The following RP1 variants were observed in gnomAD, a reference collection of about 807,000 sequenced individuals.
RP1 encodes the protein oxygen-regulated protein 1.
RP1 carries 16 observed loss-of-function variants against 14.8 expected under a neutral mutation model. That is an observed-to-expected ratio of 1.08 (90% CI 0.73 to 1.65). RP1 has a LOEUF of 1.65. Ranked by LOEUF, RP1 falls within the 40% of genes most tolerant of loss-of-function variation. The pLI, the probability that RP1 is intolerant of heterozygous loss-of-function variation, is 0.00. For synonymous variants in RP1, 876 were observed against 883.6 expected (o/e 0.99, Z 0.15); for missense variants, 2,631 against 2,535.0 (o/e 1.04, Z -0.81).
downstream of RP1, among the ~76,000 whole-genome samples, chr8:54,773,592 G>A (rs1254107130): frequency 6.6e-6 from 1 of 152,040 alleles, no homozygotes. Flanking sequence ...AACCTACATG[G>A]CACCACTGCA....
At chr8:54,819,059 C>A (rs577597844) in intron 24 of RP1, among the ~76,000 whole-genome samples, 4 of 150,242 alleles carry the variant, frequency 2.7e-5, no homozygotes, top group South Asian at 2.1e-4. Context: ...ACCCACATAT[C>A]TCTCTCTCTC....
downstream of RP1, among the ~76,000 whole-genome samples, chr8:54,773,593 C>T (rs1293860535): frequency 2.0e-5 from 3 of 152,132 alleles, no homozygotes; most frequent in Non-Finnish European, 4.4e-5. Context: ...ACCTACATGG[C>T]ACCACTGCAC....
chr8:54,604,266 A>G (rs533368479), intron 1 of RP1, among the ~76,000 whole-genome samples: 1 of 152,276 alleles, frequency 6.6e-6, no homozygotes, highest in African/African-American at 2.4e-5. Flanking sequence ...GAATTTTGTC[A>G]AAGGCCTTTT....
intron 12 of RP1, among the ~76,000 whole-genome samples, chr8:54,687,107 G>T (rs934463770): frequency 4.0e-5 from 6 of 151,872 alleles, no homozygotes; most frequent in Non-Finnish European, 8.8e-5. Flanking sequence ...TTATTAAAAA[G>T]AATCTTTTGT....
intron 1 of RP1, among the ~76,000 whole-genome samples, chr8:54,598,799 G>A (rs1323490195): frequency 1.3e-5 from 2 of 152,182 alleles, no homozygotes; most frequent in Admixed American, 6.5e-5. Context: ...ATCCTTCGGA[G>A]CTTCTTGACT....
chr8:54,826,842 C>T (rs1408605717), intron 24 of RP1, among the ~76,000 whole-genome samples: 1 of 152,294 alleles, frequency 6.6e-6, no homozygotes, highest in South Asian at 2.1e-4. Flanking sequence ...GTAATTTTGT[C>T]ATTGTGTAAA....
At chr8:54,726,675 T>C (rs1210369520) in intron 17 of RP1, among the ~76,000 whole-genome samples, 1 of 152,042 alleles carries the variant, frequency 6.6e-6, no homozygotes, top group East Asian at 1.9e-4. Flanking sequence ...TAAATGTGTT[T>C]CTTTGTCTTA....
chr8:54,679,688 T>C (rs1401638285), intron 11 of RP1: 2 of 1,522,868 alleles, frequency 1.3e-6, no homozygotes, highest in Non-Finnish European at 1.8e-6. Context: ...GACTATTTGA[T>C]GTGTTAAAAC....
At chr8:54,665,051 CTTTA>C (rs1309518366) in intron 7 of RP1, among the ~76,000 whole-genome samples, 3 of 152,026 alleles carry the variant, frequency 2.0e-5, no homozygotes, top group Non-Finnish European at 2.9e-5. Context: ...TGTAGAAGTT[CTTTA>C]TTTATTCTGG....
intron 8 of RP1, among the ~76,000 whole-genome samples, chr8:54,677,549 G>A (rs1028200037): frequency 7.9e-5 from 12 of 152,086 alleles, no homozygotes; most frequent in African/African-American, 2.6e-4. Context: ...CAACATACAA[G>A]ACCCCATCTC....
downstream of RP1, among the ~76,000 whole-genome samples, chr8:54,773,752 T>C (rs1248979059): frequency 1.3e-5 from 2 of 152,164 alleles, no homozygotes; most frequent in Non-Finnish European, 2.9e-5. Context: ...GGAACTTAGC[T>C]CTTAACCATT....
chr8:54,809,987 G>T (rs764279563), intron 24 of RP1, among the ~76,000 whole-genome samples: 33 of 152,138 alleles, frequency 2.2e-4, no homozygotes, highest in East Asian at 1.9e-4. Context: ...ACTGATGAAA[G>T]CTCAGGCCAA....
chr8:54,778,648 G>A lies in RP1; in HGVS notation c.3452-4899G>A, dbSNP rs550426041. On this transcript the variant is annotated intron_variant, in intron 23 of 28. Coordinates refer to the RP1 transcript ENST00000637698. ...ATGTTAATGCTTCTTAAGAGAAGGT[G>A]ACCTTTGAGCTAGGATGTTCACTAG... Among the ~76,000 whole-genome samples the A allele has an allele frequency of 2.0e-5, 3 of 152,230 alleles. No homozygotes were observed. The East Asian group carries it at 5.8e-4, about 29-fold the overall frequency.
At chr8:54,825,751 C>A (rs536698115) in intron 24 of RP1, among the ~76,000 whole-genome samples, 1 of 152,120 alleles carries the variant, frequency 6.6e-6, no homozygotes, top group Non-Finnish European at 1.5e-5. Flanking sequence ...TTAGTTGTAT[C>A]AAGTTTTCCT....
At chr8:54,805,408 T>G (rs973522284) in intron 24 of RP1, among the ~76,000 whole-genome samples, 1 of 152,186 alleles carries the variant, frequency 6.6e-6, no homozygotes, top group African/African-American at 2.4e-5. Flanking sequence ...TAAATAAAAT[T>G]TGTGCTCTCA....
At chr8:54,610,362 C>A (rs1805562865) in intron 1 of RP1, among the ~76,000 whole-genome samples, 1 of 152,174 alleles carries the variant, frequency 6.6e-6, no homozygotes, top group South Asian at 2.1e-4. Flanking sequence ...GGGATCTGAT[C>A]TTGCACCAAT....
chr8:54,616,015 T>G (rs1223270104), upstream of RP1: 1 of 152,230 alleles, frequency 6.6e-6, no homozygotes, highest in Non-Finnish European at 1.5e-5. Flanking sequence ...CTCTGTCTGG[T>G]GATTAGCATC....
chr8:54,711,815 G>A (rs1014450049), intron 15 of RP1, among the ~76,000 whole-genome samples: 4 of 151,828 alleles, frequency 2.6e-5, no homozygotes, highest in Admixed American at 2.0e-4. Flanking sequence ...CTTCCCGGCT[G>A]AGACCCATAA....
At chr8:54,603,317 T>C (rs1805340347) in intron 1 of RP1, among the ~76,000 whole-genome samples, 1 of 152,070 alleles carries the variant, frequency 6.6e-6, no homozygotes, top group African/African-American at 2.4e-5. Context: ...TTTCTTGTTT[T>C]TGTCAGGTTT....
Sources: allele counts gnomAD v4.1 joint callset (sites outside exome capture counted in the v4.1 genomes callset), GRCh38; gene constraint gnomAD v4.1.1; transcripts MANE v1.5; gene names NCBI Gene and HGNC (gene_info 2026-07-23, HGNC 2026-07-21).